The following WDR27 variants were observed in gnomAD, a reference collection of about 807,000 sequenced individuals.
The protein encoded by WDR27 is WD repeat domain 27, also known as WD repeat-containing protein 27.
A neutral mutation model predicts 114.4 loss-of-function variants in WDR27; 100 were observed. That is an observed-to-expected ratio of 0.87 (90% confidence interval 0.74 to 1.03). The LOEUF (loss-of-function observed/expected upper bound fraction) is 1.03, where lower values mean the gene tolerates loss of function less well. Ranked by LOEUF, WDR27 falls within the 50% of genes least tolerant of loss-of-function variation. The probability of loss-of-function intolerance (pLI) is 0.00; values close to 1 mark genes in which losing one functional copy is unlikely to be tolerated. For missense variants in WDR27, 1,129 were observed against 1,092.9 expected (o/e 1.03, Z -0.47); for synonymous variants, 449 against 423.1 (o/e 1.06, Z -0.75).
chr6:169,586,320 C>T (rs1398740893), intron 23 of WDR27, among the ~76,000 whole-genome samples: 1 of 152,210 alleles, frequency 6.6e-6, no homozygotes, highest in Non-Finnish European at 1.5e-5. Context: ...GCCCGCATGG[C>T]TTTTCCTATA....
chr6:169,455,436 C>A (rs1011571352), downstream of WDR27, among the ~76,000 whole-genome samples: 1 of 152,192 alleles, frequency 6.6e-6, no homozygotes. Context: ...GCAGAGCAAC[C>A]AACCAGTTTT....
In WDR27 at chr6:169,660,403, G is replaced by A. The variant is rs371882249; in HGVS notation, c.1129+260C>T. Among the ~76,000 whole-genome samples, 28 of 152,276 alleles carry A rather than the reference G, an allele frequency of 1.8e-4. 1 individual carries two copies. The highest frequency in any genetic ancestry group is 5.2e-4 in the Admixed American group (8 of 15,310). On this transcript the variant is annotated intron_variant, in intron 10 of 25. Coordinates refer to ENST00000448612, the MANE Select transcript of WDR27 (RefSeq NM_182552.5). ...TGTTCCACGCTGCTGGGGCCCGGGC[G>A]GCCTGGAGTGCCAGGCGAGGGCCTG...
intron 25 of WDR27, among the ~76,000 whole-genome samples, chr6:169,494,056 G>A (rs956090635): frequency 6.6e-6 from 1 of 152,188 alleles, no homozygotes; most frequent in African/African-American, 2.4e-5. Context: ...TGTTGTGTTT[G>A]TATATATGGC....
In WDR27 at chr6:169,638,357, T is replaced by G. The variant is rs529698440; in HGVS notation, c.1869+182A>C. Among the ~76,000 whole-genome samples, 238 of 127,842 alleles carry G rather than the reference T, an allele frequency of 1.9e-3. 25 individuals carry two copies. The highest frequency in any genetic ancestry group is 6.0e-3 in the African/African-American group (227 of 37,556). 83.9% of individuals were successfully genotyped at this position (127,842 alleles called of 152,430 possible). ...AAAAAAAAAAAAAAAAAAAAGAAAC[T>G]AATCAATAACTGTTATTGCATTGAA... On this transcript the variant is annotated intron_variant, in intron 18 of 25. Transcript: ENST00000448612.
chr6:169,529,330 A>T (rs1482636081), intron 25 of WDR27, among the ~76,000 whole-genome samples: 2 of 147,064 alleles, frequency 1.4e-5, no homozygotes, highest in Non-Finnish European at 3.0e-5. Flanking sequence ...GGGGGCAGCT[A>T]ATGCTAATAA....
intron 15 of WDR27, among the ~76,000 whole-genome samples, chr6:169,648,270 G>A (rs565328305): frequency 1.3e-4 from 20 of 152,194 alleles, no homozygotes; most frequent in Middle Eastern, 3.4e-3. Context: ...GATGCCTTCC[G>A]TGCACATGCC....
intron 21 of WDR27, 120 bp from the exon 22 acceptor site, chr6:169,613,776 T>G: frequency 5.7e-6 from 5 of 883,958 alleles, no homozygotes; most frequent in Non-Finnish European, 8.4e-6. Context: ...GTTTTTTTCT[T>G]ACTTGTAACA....
chr6:169,621,367 T>C (rs1210917326), intron 21 of WDR27, among the ~76,000 whole-genome samples: 2 of 145,098 alleles, frequency 1.4e-5, no homozygotes, highest in East Asian at 2.1e-4. Context: ...TACGCACACA[T>C]GCATGCATGT....
At chr6:169,621,713 C>T (rs1813370732) in intron 21 of WDR27, among the ~76,000 whole-genome samples, 2 of 151,686 alleles carry the variant, frequency 1.3e-5, no homozygotes, top group South Asian at 2.1e-4. Context: ...CATGCATTCA[C>T]GCATATACAC....
chr6:169,690,278 C>T (rs1387475745), intron 1 of WDR27, among the ~76,000 whole-genome samples: 2 of 152,302 alleles, frequency 1.3e-5, no homozygotes, highest in East Asian at 1.9e-4. Context: ...CACGTGGATT[C>T]GAAAAATCCA....
intron 24 of WDR27, among the ~76,000 whole-genome samples, chr6:169,582,130 TG>T (rs1803561510): frequency 6.6e-6 from 1 of 152,128 alleles, no homozygotes; most frequent in African/African-American, 2.4e-5. Context: ...CCCACCACCA[TG>T]GTCGGCTCAT....
chr6:169,679,820 G>A (rs576182708), intron 2 of WDR27, among the ~76,000 whole-genome samples: 1 of 152,250 alleles, frequency 6.6e-6, no homozygotes, highest in Non-Finnish European at 1.5e-5. Flanking sequence ...TACAGAAATG[G>A]CCTAATACAT....
Position 169,457,379 on chromosome 6 carries a change from G to GATCC in WDR27, c.*212_*213insGGAT, listed in dbSNP as rs1325527787. The GATCC allele has an allele frequency of 4.7e-5, 20 of 428,294 alleles. No individual in the cohort carries two copies. Among genetic ancestry groups the GATCC allele is most frequent in the African/African-American group, 4.1e-4 (20 of 49,276 alleles). 26.5% of individuals were successfully genotyped at this position (428,294 alleles called of 1,614,324 possible). A position where few individuals can be genotyped will look rare whatever the true frequency, so the allele number is the denominator to read the frequency against. The stretch of plus-strand genomic sequence containing the variant: ...ACGCCATTTCCATTTTCCCAATGAA[G>GATCC]GGGATCCCTTTTGAGGAGCAGAAAG... On this transcript the variant is annotated 3_prime_UTR_variant, in exon 26 of 26. Transcript: ENST00000448612.
intron 25 of WDR27, among the ~76,000 whole-genome samples, chr6:169,538,790 C>T (rs1181155116): frequency 1.4e-5 from 2 of 148,030 alleles, no homozygotes; most frequent in Admixed American, 1.4e-4. Context: ...TAACCATATG[C>T]AGTAATATGA....
intron 25 of WDR27, among the ~76,000 whole-genome samples, chr6:169,490,440 G>T (rs73789967): frequency 0.017 from 2,557 of 152,356 alleles, 71 homozygotes; most frequent in African/African-American, 0.059. Flanking sequence ...AGGTGTGTGC[G>T]CAGAAGGAGT....
intron 1 of WDR27, among the ~76,000 whole-genome samples, chr6:169,694,718 C>T (rs1179187858): frequency 4.6e-5 from 7 of 152,222 alleles, no homozygotes; most frequent in African/African-American, 1.7e-4. Flanking sequence ...GTCAGGACGG[C>T]CCCCTGGTCT....
chr6:169,554,293 G>A (rs1291317368), intron 25 of WDR27, among the ~76,000 whole-genome samples: 2 of 152,294 alleles, frequency 1.3e-5, no homozygotes, highest in East Asian at 3.9e-4. Context: ...TCGGGCACAA[G>A]TGCCTACCAC....
intron 25 of WDR27, among the ~76,000 whole-genome samples, chr6:169,459,768 A>G (rs2115259503): frequency 6.6e-6 from 1 of 152,238 alleles, no homozygotes. Context: ...AACTTTGCAG[A>G]CCACAAGGCA....
chr6:169,551,910 G>A (rs886999233), intron 25 of WDR27, among the ~76,000 whole-genome samples: 8 of 152,064 alleles, frequency 5.3e-5, no homozygotes, highest in East Asian at 1.9e-4. Flanking sequence ...GAATGCCTGC[G>A]TACTGATAAA....
Sources: allele counts gnomAD v4.1 joint callset (sites outside exome capture counted in the v4.1 genomes callset), GRCh38; gene constraint gnomAD v4.1.1; transcripts MANE v1.5; gene names NCBI Gene and HGNC (gene_info 2026-07-23, HGNC 2026-07-21).